PRKN: variants seen among roughly 807,000 people sequenced by gnomAD.
PRKN encodes parkin RBR E3 ubiquitin protein ligase.
A neutral mutation model predicts 59.5 loss-of-function variants in PRKN; 56 were observed. The observed-to-expected ratio is 0.94, with a 90% confidence interval of 0.76 to 1.18. The LOEUF (loss-of-function observed/expected upper bound fraction) is 1.18, where lower values mean the gene tolerates loss of function less well. Among genes scored for constraint, PRKN ranks in the 50% most tolerant of loss-of-function variants. The pLI is 0.00. For missense variants in PRKN, 657 were observed against 596.4 expected, an observed-to-expected ratio of 1.10 and a Z score of -1.06; for synonymous variants, 250 against 222.1, an observed-to-expected ratio of 1.13 and a Z score of -1.12.
intron 7 of PRKN, among the ~76,000 whole-genome samples, chr6:161,662,065 A>T (rs1784568950): frequency 6.6e-6 from 1 of 151,786 alleles, no homozygotes; most frequent in South Asian, 2.1e-4. Flanking sequence ...GTAAATACTT[A>T]AAAAAAATAA....
chr6:162,173,421 G>C (rs1457185795), intron 4 of PRKN, among the ~76,000 whole-genome samples: 1 of 152,190 alleles, frequency 6.6e-6, no homozygotes, highest in African/African-American at 2.4e-5. Context: ...GAGATTTAAA[G>C]TGGCAACTCC....
In PRKN at chr6:162,660,029, T is replaced by A. The variant is rs747696828; in HGVS notation, c.7+67633A>T. On this transcript the variant is annotated intron_variant, in intron 1 of 11. Coordinates refer to ENST00000366898, the MANE Select transcript of PRKN (RefSeq NM_004562.3). ...ACACTCTATTTTATGATAATCCTCC[T>A]ATCCTAGCCATTTCATCCATTATTT... Among the ~76,000 whole-genome samples, 4 of 152,180 alleles carry A rather than the reference T, an allele frequency of 2.6e-5. 1 individual carries two copies.
chr6:161,381,562 G>T (rs1051874828), intron 10 of PRKN, among the ~76,000 whole-genome samples: 2 of 152,310 alleles, frequency 1.3e-5, no homozygotes, highest in South Asian at 2.1e-4. Flanking sequence ...TAATTTAGGA[G>T]GCAGATGGAA....
rs71004055 is a variant in PRKN at position 161,581,041 on chromosome 6, AAC to A, written c.872-11627_872-11626del. Reference sequence around the variant, plus strand: ...ACACAGTGAAATCCTGTCTCTACTAAACACACACACACACACACACACACACA... The same window carrying A: ...ACACAGTGAAATCCTGTCTCTACTAAACACACACACACACACACACACACA... On this transcript the variant is annotated intron_variant, in intron 7 of 11. Coordinates refer to ENST00000366898, the MANE Select transcript of PRKN (RefSeq NM_004562.3). This position sits in a 1 kb window ranked among gnomAD's most constrained non-coding sequence, Gnocchi z 4.5. 3.1e-3 allele frequency among the ~76,000 whole-genome samples: 429 copies of A among 137,498 alleles called. 3 individuals are homozygous for A. Among genetic ancestry groups the A allele is most frequent in the African/African-American group, 8.6e-3 (311 of 35,976 alleles). 90.2% of individuals were successfully genotyped at this position (137,498 alleles called of 152,430 possible). A position where few individuals can be genotyped will look rare whatever the true frequency, so the allele number is the denominator to read the frequency against.
chr6:162,414,590 A>G (rs1434593718), intron 2 of PRKN, among the ~76,000 whole-genome samples: 1 of 151,750 alleles, frequency 6.6e-6, no homozygotes, highest in Non-Finnish European at 1.5e-5. Context: ...TGGTGCCTGT[A>G]GTCCCAGCTA....
chr6:161,552,789 T>TGA lies in PRKN; in HGVS notation c.934-3787_934-3786insTC, dbSNP rs1554275447. On this transcript the variant is annotated intron_variant, in intron 8 of 11. Transcript: ENST00000366898. This position sits in a 1 kb window ranked among gnomAD's most constrained non-coding sequence, Gnocchi z 4.9. ...AAAGACACCATGGTTTTGTTGTTGT[T>TGA]TTTGTTTTTTGTTTTTTTTTTTTAG... Among the ~76,000 whole-genome samples the TGA allele has an allele frequency of 1.1e-5, 1 of 87,822 alleles. No homozygotes were observed. Among genetic ancestry groups the TGA allele is most frequent in the Non-Finnish European group, 2.5e-5 (1 of 40,412 alleles). 57.6% of individuals were successfully genotyped at this position (87,822 alleles called of 152,430 possible).
intron 4 of PRKN, among the ~76,000 whole-genome samples, chr6:162,100,732 G>A (rs1343639191): frequency 6.6e-6 from 1 of 152,188 alleles, no homozygotes; most frequent in East Asian, 1.9e-4. Context: ...ATGAGCCACC[G>A]TGCCCGGCCA....
In PRKN at chr6:161,584,447, A is replaced by G. The variant is rs1781451834; in HGVS notation, c.872-15031T>C. 6.6e-6 allele frequency among the ~76,000 whole-genome samples: 1 copy of G among 152,218 alleles called. No individual in the cohort carries two copies. The highest frequency in any genetic ancestry group is 1.5e-5 in the Non-Finnish European group (1 of 68,042). Reference sequence around the variant, plus strand: ...TAAGATTAGTTAATTTAATATAATAATAGTTCTTCTATTATAATCTTCATG... The same window carrying G: ...TAAGATTAGTTAATTTAATATAATAGTAGTTCTTCTATTATAATCTTCATG... On this transcript the variant is annotated intron_variant, in intron 7 of 11. Coordinates refer to ENST00000366898, the MANE Select transcript of PRKN (RefSeq NM_004562.3). This position sits in a 1 kb window ranked among gnomAD's most constrained non-coding sequence, Gnocchi z 4.8.
intron 9 of PRKN, among the ~76,000 whole-genome samples, chr6:161,501,996 G>A (rs762832322): frequency 6.6e-6 from 1 of 152,146 alleles, no homozygotes; most frequent in Non-Finnish European, 1.5e-5. Flanking sequence ...AGTGACATGA[G>A]AGAGAAAGTC....
chr6:162,309,358 T>C (rs1247777170), intron 2 of PRKN, among the ~76,000 whole-genome samples: 9 of 151,982 alleles, frequency 5.9e-5, no homozygotes, highest in Admixed American at 3.9e-4. Flanking sequence ...AGAGATGGGG[T>C]TTTACCATGT....
At chr6:162,474,117 T>C (rs200131995) in intron 1 of PRKN, among the ~76,000 whole-genome samples, 3 of 152,326 alleles carry the variant, frequency 2.0e-5, no homozygotes, top group East Asian at 3.9e-4. Flanking sequence ...GGAACAATAT[T>C]AATCAAATGA....
At chr6:161,756,884 C>T (rs1788949646) in intron 7 of PRKN, among the ~76,000 whole-genome samples, 1 of 152,130 alleles carries the variant, frequency 6.6e-6, no homozygotes. Flanking sequence ...TATTGGCATA[C>T]AGATACCCAG....
At chr6:161,523,049 GAA>G (rs1218044580) in intron 9 of PRKN, among the ~76,000 whole-genome samples, 1 of 151,962 alleles carries the variant, frequency 6.6e-6, no homozygotes, top group East Asian at 1.9e-4. Flanking sequence ...CTGTATGCAA[GAA>G]AAATATATTC....
chr6:162,186,097 C>A (rs1410958180), intron 4 of PRKN, among the ~76,000 whole-genome samples: 1 of 151,856 alleles, frequency 6.6e-6, no homozygotes, highest in Non-Finnish European at 1.5e-5. Flanking sequence ...CCAACCTTAC[C>A]CAATTCACAT....
rs1779967277 is a variant in PRKN at position 161,550,586 on chromosome 6, T to C, written c.934-1583A>G. Among the ~76,000 whole-genome samples, 1 of 152,082 alleles carries C rather than the reference T, an allele frequency of 6.6e-6. No homozygotes were observed. The highest frequency in any genetic ancestry group is 2.4e-5 in the African/African-American group (1 of 41,420). On this transcript the variant is annotated intron_variant, in intron 8 of 11. Coordinates refer to ENST00000366898, the MANE Select transcript of PRKN (RefSeq NM_004562.3). The surrounding 1 kb of genome is among the most constrained non-coding windows in gnomAD (Gnocchi z 4.0). ...TCTGGGTATAAATTAAAGGGAGAAGTTGCAGAATTTTCAGTCAGGTTGGAT... is the reference window on the plus strand; with the variant it reads ...TCTGGGTATAAATTAAAGGGAGAAGCTGCAGAATTTTCAGTCAGGTTGGAT...
At chr6:162,573,899 C>T (rs1311114005) in intron 1 of PRKN, among the ~76,000 whole-genome samples, 1 of 152,142 alleles carries the variant, frequency 6.6e-6, no homozygotes, top group East Asian at 1.9e-4. Flanking sequence ...AAGAAAGTGA[C>T]TTTATTAACC....
intron 6 of PRKN, among the ~76,000 whole-genome samples, chr6:161,898,052 C>G (rs1777726142): frequency 6.7e-6 from 1 of 150,358 alleles, no homozygotes; most frequent in Non-Finnish European, 1.5e-5. Flanking sequence ...GAACAAATCT[C>G]TGATTATTGA....
At chr6:162,482,736 T>C (rs1792362756) in intron 1 of PRKN, among the ~76,000 whole-genome samples, 1 of 152,144 alleles carries the variant, frequency 6.6e-6, no homozygotes, top group Admixed American at 6.5e-5. Flanking sequence ...AAATATCTAC[T>C]CCAAAACCCA....
At chr6:161,514,490 A>C (rs1778513863) in intron 9 of PRKN, among the ~76,000 whole-genome samples, 1 of 152,054 alleles carries the variant, frequency 6.6e-6, no homozygotes, top group African/African-American at 2.4e-5. Flanking sequence ...AACAGAATAA[A>C]ACCAAGGCCA....
Sources: gnomAD v4.1 joint callset for allele counts (sites outside exome capture counted in the v4.1 genomes callset) on GRCh38, gnomAD v4.1.1 for gene constraint, Gnocchi (gnomAD v3.1) non-coding constraint, MANE v1.5 for transcripts, NCBI Gene and HGNC (gene_info 2026-07-23, HGNC 2026-07-21) for gene names.